The following DNAI4 variants were observed in gnomAD, a reference collection of about 807,000 sequenced individuals.
DNAI4 encodes WD repeat domain 78.
In DNAI4, 85 loss-of-function variants were observed where a neutral mutation model predicts 105.8. That is an observed-to-expected ratio of 0.80 (90% CI 0.67 to 0.96). DNAI4 has a LOEUF of 0.96. Ranked by LOEUF, DNAI4 falls within the 40% of genes least tolerant of loss-of-function variation. The pLI is 0.00. For missense variants in DNAI4, 1,014 were observed against 1,005.6 expected (o/e 1.01, Z -0.11); for synonymous variants, 352 against 331.5 (o/e 1.06, Z -0.67).
intron 4 of DNAI4, among the ~76,000 whole-genome samples, chr1:66,884,366 T>A (rs1647147412): frequency 6.6e-6 from 1 of 152,166 alleles, no homozygotes; most frequent in African/African-American, 2.4e-5. Context: ...CTTATGGTAA[T>A]TCTATTTTTA....
chr1:66,892,927 A>AAAGAG (rs1647789899), intron 3 of DNAI4, among the ~76,000 whole-genome samples: 1 of 132,026 alleles, frequency 7.6e-6, no homozygotes, highest in Non-Finnish European at 1.6e-5. Context: ...AGAAAGAGAG[A>AAAGAG]AAGAGAAGAA....
intron 2 of DNAI4, among the ~76,000 whole-genome samples, chr1:66,901,021 T>A (rs1025873140): frequency 6.6e-6 from 1 of 152,222 alleles, no homozygotes; most frequent in African/African-American, 2.4e-5. Context: ...TTTTTGTGAA[T>A]CCTTTGTCAA....
intron 8 of DNAI4, among the ~76,000 whole-genome samples, chr1:66,843,736 C>T (rs572883164): frequency 9.9e-5 from 15 of 152,162 alleles, no homozygotes; most frequent in African/African-American, 3.6e-4. Flanking sequence ...TGTCTAGGTT[C>T]GTATTTAGTA....
chr1:66,869,377 G>C (rs2100647179), intron 6 of DNAI4, among the ~76,000 whole-genome samples: 1 of 151,576 alleles, frequency 6.6e-6, no homozygotes, highest in Non-Finnish European at 1.5e-5. Context: ...AAATATTTTA[G>C]CATAAAGTTA....
chr1:66,857,733 CGTCTGT>C, intron 7 of DNAI4, among the ~76,000 whole-genome samples: 1 of 152,018 alleles, frequency 6.6e-6, no homozygotes, highest in South Asian at 2.1e-4. Flanking sequence ...GGAGTTTCTC[CGTCTGT>C]TGGTCAGGCT....
intron 8 of DNAI4, among the ~76,000 whole-genome samples, chr1:66,846,816 C>T (rs1232924317): frequency 6.6e-6 from 1 of 152,130 alleles, no homozygotes; most frequent in African/African-American, 2.4e-5. Flanking sequence ...GTTTCTATAG[C>T]CTTCAGTTTC....
intron 2 of DNAI4, among the ~76,000 whole-genome samples, chr1:66,896,952 A>C (rs1457540599): frequency 6.6e-6 from 1 of 152,228 alleles, no homozygotes; most frequent in Non-Finnish European, 1.5e-5. Flanking sequence ...TAGTGGATAG[A>C]GGCTGGAAGA....
chr1:66,888,420 C>G (rs189929555), intron 4 of DNAI4, among the ~76,000 whole-genome samples: 64 of 152,102 alleles, frequency 4.2e-4, no homozygotes, highest in African/African-American at 1.5e-3. Context: ...AACGGCTGGG[C>G]GTGGTGGCTC....
At chr1:66,881,607 G>A (rs1049841958) in intron 4 of DNAI4, among the ~76,000 whole-genome samples, 1 of 152,186 alleles carries the variant, frequency 6.6e-6, no homozygotes, top group Non-Finnish European at 1.5e-5. Context: ...TACCCCCATT[G>A]TATCTAGGAA....
At chr1:66,885,212 T>C (rs1264767918) in intron 4 of DNAI4, among the ~76,000 whole-genome samples, 3 of 152,228 alleles carry the variant, frequency 2.0e-5, no homozygotes, top group Non-Finnish European at 2.9e-5. Context: ...CTTTGTATAA[T>C]TTCTATTCTT....
intron 10 of DNAI4, among the ~76,000 whole-genome samples, chr1:66,836,543 A>G (rs771777887): frequency 5.9e-5 from 9 of 152,194 alleles, no homozygotes; most frequent in Non-Finnish European, 1.2e-4. Context: ...AAAAGTTCCA[A>G]AACTCCCCAA....
Position 66,813,860 on chromosome 1 carries a change from T to A in DNAI4, c.*270A>T, listed in dbSNP as rs1166590572. On this transcript the variant is annotated 3_prime_UTR_variant, in exon 17 of 17. Transcript: ENST00000371026. ...TAGACATTGTATAAGAATGTACATGTACTCATATGTACTTAGAATATGATC... is the reference window on the plus strand; with the variant it reads ...TAGACATTGTATAAGAATGTACATGAACTCATATGTACTTAGAATATGATC... 1 of 293,510 alleles carries A rather than the reference T, an allele frequency of 3.4e-6. No individual in the cohort carries two copies. Among genetic ancestry groups the A allele is most frequent in the Non-Finnish European group, 6.3e-6 (1 of 159,802 alleles). The allele number at this position is 293,510 out of a possible 1,614,324, so 18.2% of individuals were successfully genotyped here.
chr1:66,822,149 C>A, intron 16 of DNAI4, among the ~76,000 whole-genome samples: 1 of 151,070 alleles, frequency 6.6e-6, no homozygotes, highest in South Asian at 2.1e-4. Flanking sequence ...CATTATTATT[C>A]TCATTATCTT....
At chr1:66,916,594 TAAGAGATA>T (rs529237181) in intron 1 of DNAI4, among the ~76,000 whole-genome samples, 76 of 152,314 alleles carry the variant, frequency 5.0e-4, no homozygotes, top group Admixed American at 4.5e-3. Flanking sequence ...GGGCTGCTTT[TAAGAGATA>T]AAATAAGTTC....
At chr1:66,863,588 T>C (rs901917385) in intron 6 of DNAI4, among the ~76,000 whole-genome samples, 4 of 152,064 alleles carry the variant, frequency 2.6e-5, no homozygotes, top group Non-Finnish European at 5.9e-5. Flanking sequence ...CCTCCCCAAG[T>C]AGCTGGGATT....
intron 2 of DNAI4, chr1:66,904,946 C>T (rs3008889): frequency 2.6e-6 from 1 of 390,402 alleles, no homozygotes; most frequent in Non-Finnish European, 4.5e-6. Context: ...TAATTAATAC[C>T]ATAAGCAAAT....
chr1:66,892,634 G>A (rs1647754344), intron 3 of DNAI4, among the ~76,000 whole-genome samples: 2 of 152,052 alleles, frequency 1.3e-5, no homozygotes, highest in African/African-American at 4.8e-5. Context: ...ATCAAAACTG[G>A]GTGGCTCATG....
chr1:66,830,910 A>G (rs1645852768), intron 13 of DNAI4, among the ~76,000 whole-genome samples: 1 of 148,110 alleles, frequency 6.8e-6, no homozygotes, highest in Non-Finnish European at 1.5e-5. Context: ...CCAGGAGTTC[A>G]GAGTTACAGT....
chr1:66,815,865 C>T (rs1468363943), intron 16 of DNAI4, among the ~76,000 whole-genome samples: 1 of 152,200 alleles, frequency 6.6e-6, no homozygotes, highest in Non-Finnish European at 1.5e-5. Flanking sequence ...CTGTTCATGC[C>T]AGACGTTAGG....
Sources: allele counts gnomAD v4.1 joint callset (sites outside exome capture counted in the v4.1 genomes callset), GRCh38; gene constraint gnomAD v4.1.1; transcripts MANE v1.5; gene names NCBI Gene and HGNC (gene_info 2026-07-23, HGNC 2026-07-21).